The following VBP1 variants were observed in gnomAD, a reference collection of about 807,000 sequenced individuals.
VBP1 encodes VHL binding protein 1.
A neutral mutation model predicts 15.5 loss-of-function variants in VBP1; 4 were observed. That is an observed-to-expected ratio of 0.26 (90% CI 0.13 to 0.59). The LOEUF (loss-of-function observed/expected upper bound fraction) is 0.59. VBP1 is among the 20% of genes least tolerant of loss of function. The pLI is 0.90. For synonymous variants in VBP1, 61 were observed against 52.1 expected (o/e 1.17, Z -0.74); for missense variants, 108 against 139.6 (o/e 0.77, Z 1.14).
At chrX:155,221,365 G>A (rs2124072423) in intron 2 of VBP1, among the ~76,000 whole-genome samples, 1 of 110,479 alleles carries the variant, frequency 9.1e-6, no homozygotes, top group African/African-American at 3.3e-5. Context: ...GCTGGGTATG[G>A]TGGCATGCAT....
In VBP1 at chrX:155,216,535, G is replaced by C; in HGVS notation, c.53G>C (p.Gly18Ala). ...AAAGGAGAAATGGCCACAGGGAATG[G>C]GCGGCGGCTCCACCTGGGGATTCCT... ...CGKGEMATGN[G>A]RRLHLGIPEA... Residue 18 changes from glycine to alanine, a missense_variant, in exon 1 of 6, where the codon GGG (glycine) becomes GCG (alanine). Gly to Ala is a moderately conservative substitution (Grantham distance 60). Coordinates refer to ENST00000286428, the MANE Select transcript of VBP1 (RefSeq NM_003372.7). 1 of 1,171,371 alleles carries C rather than the reference G, an allele frequency of 8.5e-7. No homozygotes were observed. Among genetic ancestry groups the C allele is most frequent in the East Asian group, 3.2e-5 (1 of 31,078 alleles).
At chrX:155,224,250 C>T (rs1369741878) in intron 2 of VBP1, among the ~76,000 whole-genome samples, 3 of 112,717 alleles carry the variant, frequency 2.7e-5, no homozygotes, top group Admixed American at 9.3e-5. Flanking sequence ...CCAAGGCAGG[C>T]GGCTGGGAGG....
chrX:155,231,929 A>G (rs1397030529), intron 4 of VBP1, among the ~76,000 whole-genome samples: 2 of 111,780 alleles, frequency 1.8e-5, no homozygotes, highest in Non-Finnish European at 3.8e-5. Flanking sequence ...ACAAAGGCAT[A>G]TTTTTGTATG....
intron 5 of VBP1, among the ~76,000 whole-genome samples, chrX:155,238,225 C>CT (rs1374001048): frequency 8.9e-6 from 1 of 111,870 alleles, no homozygotes; most frequent in East Asian, 2.8e-4. Flanking sequence ...TGGACAGTCT[C>CT]TGTTACATTG....
intron 1 of VBP1, among the ~76,000 whole-genome samples, chrX:155,207,646 T>C (rs186850388): frequency 1.4e-3 from 151 of 111,721 alleles, no homozygotes; most frequent in African/African-American, 4.4e-3. Flanking sequence ...AACTTAAATG[T>C]TACTATCAAC....
intron 4 of VBP1, among the ~76,000 whole-genome samples, chrX:155,232,840 A>G (rs984097408): frequency 8.9e-6 from 1 of 112,916 alleles, no homozygotes; most frequent in Non-Finnish European, 1.9e-5. Flanking sequence ...CTTGCTGTAT[A>G]TAAGAAATGT....
chrX:155,198,442 C>T (rs931736522), intron 1 of VBP1, among the ~76,000 whole-genome samples: 5 of 111,720 alleles, frequency 4.5e-5, no homozygotes, highest in African/African-American at 9.7e-5. Flanking sequence ...CAGCAGCATT[C>T]GCAGTTCATG....
intron 1 of VBP1, among the ~76,000 whole-genome samples, chrX:155,218,519 C>T (rs1159354850): frequency 9.0e-6 from 1 of 111,259 alleles, no homozygotes; most frequent in African/African-American, 3.3e-5. Flanking sequence ...CCAGTCCATT[C>T]CCCAACCCCG....
In VBP1 at chrX:155,208,886, T is replaced by C. The variant is rs1377867487; in HGVS notation, c.-18T>C. On this transcript the variant is annotated 5_prime_UTR_variant, in exon 2 of 7. Transcript: ENST00000535916. ...TTACAATTCATAGGTTCCAACTCCATTGGGAGCTCCTTCTCTAATGGCACC... is the reference window on the plus strand; with the variant it reads ...TTACAATTCATAGGTTCCAACTCCACTGGGAGCTCCTTCTCTAATGGCACC... 1.5e-5 allele frequency: 17 copies of C among 1,145,316 alleles called. No individual in the cohort carries two copies. In the African/African-American group the frequency reaches 2.7e-4, roughly 18 times the overall value. The allele number at this position is 1,145,316 out of a possible 1,213,427, so 94.4% of individuals were successfully genotyped here. A position where few individuals can be genotyped will look rare whatever the true frequency, so the allele number is the denominator to read the frequency against.
intron 4 of VBP1, among the ~76,000 whole-genome samples, chrX:155,235,116 A>C (rs782506761): frequency 1.4e-4 from 14 of 97,412 alleles, no homozygotes; most frequent in African/African-American, 5.3e-4. Flanking sequence ...GTGTGTGTGT[A>C]TGTGTGTGTG....
intron 1 of VBP1, among the ~76,000 whole-genome samples, chrX:155,199,234 T>C (rs1461414284): frequency 9.1e-6 from 1 of 110,218 alleles, no homozygotes; most frequent in Non-Finnish European, 1.9e-5. Flanking sequence ...CAGGCCAACA[T>C]TCAGATTCAG....
intron 2 of VBP1, among the ~76,000 whole-genome samples, chrX:155,225,733 A>G (rs1446339607): frequency 4.4e-5 from 5 of 112,667 alleles, no homozygotes; most frequent in African/African-American, 6.5e-5. Context: ...TGTGTATCAC[A>G]TATTTTACAA....
chrX:155,222,102 T>C lies in VBP1; in HGVS notation c.218+1795T>C, dbSNP rs185253778. ...ATTTTTTACAATGTACATGTACTGC[T>C]TTTGTGATAGTAAAAGTTTATTTGA... On this transcript the variant is annotated intron_variant, in intron 2 of 5. Coordinates refer to ENST00000286428, the MANE Select transcript of VBP1 (RefSeq NM_003372.7). Among the ~76,000 whole-genome samples the C allele has an allele frequency of 2.2e-3, 247 of 112,781 alleles. 1 individual carries two copies. The highest frequency in any genetic ancestry group is 7.6e-3 in the African/African-American group (236 of 31,057).
At chrX:155,200,136 T>G (rs2074596568) in intron 1 of VBP1, among the ~76,000 whole-genome samples, 1 of 96,585 alleles carries the variant, frequency 1.0e-5, no homozygotes. Context: ...ACAAAGAGAC[T>G]TAGACTCCCA....
intron 2 of VBP1, among the ~76,000 whole-genome samples, chrX:155,223,658 C>CT (rs1207865464): frequency 8.9e-6 from 1 of 112,922 alleles, no homozygotes; most frequent in Non-Finnish European, 1.9e-5. Flanking sequence ...TCCCCCTTCT[C>CT]TATTCGACAA....
intron 4 of VBP1, among the ~76,000 whole-genome samples, chrX:155,235,203 T>G (rs1557311400): frequency 9.1e-6 from 1 of 109,890 alleles, no homozygotes; most frequent in African/African-American, 3.3e-5. Context: ...ATTTAGAAAT[T>G]TTTTTGGTCC....
upstream of VBP1, chrX:155,213,690 G>A (rs1484118327): frequency 1.8e-5 from 2 of 112,386 alleles, no homozygotes; most frequent in South Asian, 3.7e-4. Context: ...GTACCAGCTT[G>A]TGAGAACCAA....
At chrX:155,223,317 C>T (rs1475213139) in intron 2 of VBP1, among the ~76,000 whole-genome samples, 2 of 107,216 alleles carry the variant, frequency 1.9e-5, no homozygotes, top group African/African-American at 6.9e-5. Flanking sequence ...ACAAAGGTCT[C>T]TGGTTTTCCT....
chrX:155,199,844 G>A (rs1557307163), intron 1 of VBP1, among the ~76,000 whole-genome samples: 1 of 112,502 alleles, frequency 8.9e-6, no homozygotes, highest in African/African-American at 3.2e-5. Flanking sequence ...ACCCATCAGT[G>A]TGCTGTATTC....
Sources: gnomAD v4.1 joint callset for allele counts (sites outside exome capture counted in the v4.1 genomes callset) on GRCh38, gnomAD v4.1.1 for gene constraint, MANE v1.5 for transcripts, NCBI Gene and HGNC (gene_info 2026-07-23, HGNC 2026-07-21) for gene names.